Variants in FHIT observed in about 807,000 individuals in gnomAD.
The protein encoded by FHIT is bis(5'-adenosyl)-triphosphatase.
FHIT carries 19 observed loss-of-function variants against 17.9 expected under a neutral mutation model. That is an observed-to-expected ratio of 1.06 (90% CI 0.74 to 1.56). The LOEUF (loss-of-function observed/expected upper bound fraction) is 1.56. Among genes scored for constraint, FHIT ranks in the 40% most tolerant of loss-of-function variants. The probability of loss-of-function intolerance (pLI) is 0.00; values close to 1 mark genes in which losing one functional copy is unlikely to be tolerated. For missense variants in FHIT, 248 were observed against 189.2 expected, an observed-to-expected ratio of 1.31 and a Z score of -1.82; for synonymous variants, 81 against 69.7, an observed-to-expected ratio of 1.16 and a Z score of -0.81.
intron 3 of FHIT, among the ~76,000 whole-genome samples, chr3:60,886,437 T>A (rs184960769): frequency 3.2e-4 from 49 of 152,330 alleles, no homozygotes; most frequent in African/African-American, 1.2e-3. Context: ...GGCTAAGAGA[T>A]CAAGAGTGGT....
intron 5 of FHIT, among the ~76,000 whole-genome samples, chr3:60,238,770 C>A (rs1350547502): frequency 6.6e-6 from 1 of 152,158 alleles, no homozygotes; most frequent in African/African-American, 2.4e-5. Context: ...ACTTCCCCTT[C>A]ATGCCAACCC....
chr3:60,309,185 G>A (rs550925406), intron 5 of FHIT, among the ~76,000 whole-genome samples: 114 of 152,126 alleles, frequency 7.5e-4, no homozygotes, highest in African/African-American at 2.1e-3. Flanking sequence ...TGCTTGCAGC[G>A]GAAGGTTTGG....
At chr3:61,096,255 C>T (rs560146356) in intron 2 of FHIT, among the ~76,000 whole-genome samples, 1 of 152,326 alleles carries the variant, frequency 6.6e-6, no homozygotes, top group South Asian at 2.1e-4. Context: ...ATAATAATGC[C>T]TCTACCTTGC....
chr3:60,300,249 T>C (rs1708397083), intron 5 of FHIT, among the ~76,000 whole-genome samples: 1 of 152,092 alleles, frequency 6.6e-6, no homozygotes, highest in Non-Finnish European at 1.5e-5. Context: ...AGTCCCCTTG[T>C]TTTACTTTTT....
chr3:59,907,664 C>A (rs1704649114), intron 8 of FHIT, among the ~76,000 whole-genome samples: 2 of 152,210 alleles, frequency 1.3e-5, no homozygotes. Flanking sequence ...CCCCAACCCC[C>A]AGGCTGAATC....
chr3:60,524,515 T>C (rs1175166875), intron 5 of FHIT, among the ~76,000 whole-genome samples: 2 of 152,188 alleles, frequency 1.3e-5, no homozygotes, highest in Non-Finnish European at 2.9e-5. Flanking sequence ...TGGTTGGATC[T>C]GAGCGAATGT....
chr3:59,761,016 G>C (rs966439065), intron 8 of FHIT, among the ~76,000 whole-genome samples: 8 of 152,140 alleles, frequency 5.3e-5, no homozygotes, highest in African/African-American at 1.9e-4. Context: ...GACAGCTGAA[G>C]AACAGGAGCC....
In FHIT at chr3:60,086,547, T is replaced by G. The variant is rs542829028; in HGVS notation, c.104-72395A>C. 3.3e-5 allele frequency among the ~76,000 whole-genome samples: 5 copies of G among 152,336 alleles called. No homozygotes were observed. The South Asian group carries it at 1.0e-3, about 32-fold the overall frequency. Reference sequence around the variant, plus strand: ...GCCTATAGGATCAAAAATAAGATGTTTGTTTTCAACATACAATGGTTTCAT... The same window carrying G: ...GCCTATAGGATCAAAAATAAGATGTGTGTTTTCAACATACAATGGTTTCAT... On this transcript the variant is annotated intron_variant, in intron 5 of 9. Transcript: ENST00000492590.
intron 7 of FHIT, among the ~76,000 whole-genome samples, chr3:59,998,328 C>T (rs989550832): frequency 6.6e-6 from 1 of 152,078 alleles, no homozygotes; most frequent in Non-Finnish European, 1.5e-5. Flanking sequence ...AGCCCGACTT[C>T]AGGTTAGATC....
At chr3:60,208,605 A>G (rs1703308952) in intron 5 of FHIT, among the ~76,000 whole-genome samples, 1 of 152,176 alleles carries the variant, frequency 6.6e-6, no homozygotes. Flanking sequence ...TTCATATCCA[A>G]CATATGTATT....
At chr3:59,760,534 G>A (rs1284885162) in intron 8 of FHIT, among the ~76,000 whole-genome samples, 1 of 149,118 alleles carries the variant, frequency 6.7e-6, no homozygotes, top group African/African-American at 2.5e-5. Flanking sequence ...GGCATTTCAG[G>A]TTTGTTGGAG....
In FHIT at chr3:60,457,622, T is replaced by A. The variant is rs373049048; in HGVS notation, c.103+79238A>T. Among the ~76,000 whole-genome samples, 490 of 152,030 alleles carry A rather than the reference T, an allele frequency of 3.2e-3. 1 individual carries two copies. The highest frequency in any genetic ancestry group is 0.011 in the African/African-American group (445 of 41,492). ...AAAGAGCTTCTGCACAGCAAAAGAA[T>A]CTACCATCAGAGTGAACAGGCAACC... On this transcript the variant is annotated intron_variant, in intron 5 of 9. Coordinates refer to ENST00000492590, the MANE Select transcript of FHIT (RefSeq NM_002012.4).
intron 8 of FHIT, among the ~76,000 whole-genome samples, chr3:59,896,272 G>C (rs1269169913): frequency 6.6e-6 from 1 of 152,162 alleles, no homozygotes; most frequent in African/African-American, 2.4e-5. Context: ...TGAATGAATA[G>C]ATAACTGAGG....
At chr3:60,643,102 T>C (rs1553685783) in intron 4 of FHIT, among the ~76,000 whole-genome samples, 1 of 152,170 alleles carries the variant, frequency 6.6e-6, no homozygotes. Flanking sequence ...GCCTCACATA[T>C]AATCTGGCTC....
At chr3:60,797,413 A>G (rs575588361) in intron 4 of FHIT, among the ~76,000 whole-genome samples, 171 of 152,076 alleles carry the variant, frequency 1.1e-3, no homozygotes, top group African/African-American at 4.1e-3. Flanking sequence ...GAAAAAGAGA[A>G]ATTAATTCAT....
chr3:60,993,634 T>C (rs962367991), intron 3 of FHIT, among the ~76,000 whole-genome samples: 8 of 152,214 alleles, frequency 5.3e-5, no homozygotes, highest in Non-Finnish European at 8.8e-5. Context: ...ATTAAAACTC[T>C]AGAACTGCAC....
intron 5 of FHIT, among the ~76,000 whole-genome samples, chr3:60,204,985 A>C (rs1040504531): frequency 6.6e-5 from 10 of 151,938 alleles, no homozygotes; most frequent in African/African-American, 2.4e-4. Context: ...AGTGTCAGCT[A>C]CTCAGGAGGC....
chr3:60,239,578 G>T (rs995062188), intron 5 of FHIT, among the ~76,000 whole-genome samples: 3 of 152,020 alleles, frequency 2.0e-5, no homozygotes, highest in Admixed American at 1.3e-4. Context: ...ACAAAAAACA[G>T]AATCTTTTTG....
At chr3:60,732,052 T>A in intron 4 of FHIT, 1 of 530,610 alleles carries the variant, frequency 1.9e-6, no homozygotes, top group Non-Finnish European at 3.4e-6. Context: ...AATACAAAGA[T>A]TCTAGGATAC....
Sources: gnomAD v4.1 joint callset for allele counts (sites outside exome capture counted in the v4.1 genomes callset) on GRCh38, gnomAD v4.1.1 for gene constraint, MANE v1.5 for transcripts, NCBI Gene and HGNC (gene_info 2026-07-23, HGNC 2026-07-21) for gene names.